The following ADGRB3 variants were observed in gnomAD, a reference collection of about 807,000 sequenced individuals.
The protein encoded by ADGRB3 is brain-specific angiogenesis inhibitor 3.
Under a neutral mutation model 193.4 loss-of-function variants are expected in ADGRB3, and 37 were observed. The ratio of observed to expected loss-of-function variants is 0.19; its 90% CI spans 0.15 to 0.25. The LOEUF (loss-of-function observed/expected upper bound fraction) is 0.25. Ranked by LOEUF, ADGRB3 falls within the 10% of genes least tolerant of loss-of-function variation. The probability of loss-of-function intolerance (pLI) is 1.00; values close to 1 mark genes in which losing one functional copy is unlikely to be tolerated. For missense variants in ADGRB3, 1,637 were observed against 1,852.9 expected (o/e 0.88, Z 2.14); for synonymous variants, 690 against 644.2 (o/e 1.07, Z -1.08).
chr6:68,953,946 C>A (rs1181705464), intron 6 of ADGRB3, among the ~76,000 whole-genome samples: 1 of 152,176 alleles, frequency 6.6e-6, no homozygotes, highest in Non-Finnish European at 1.5e-5. Context: ...ATGAACTGAT[C>A]TTGGAAAAAA....
intron 18 of ADGRB3, 55 bp from the exon 19 acceptor site, chr6:69,234,977 T>A: frequency 7.2e-7 from 1 of 1,379,886 alleles, no homozygotes; most frequent in Non-Finnish European, 1.0e-6. Flanking sequence ...GTCTAGAAGT[T>A]ATTTTAATTT....
intron 3 of ADGRB3, among the ~76,000 whole-genome samples, chr6:68,895,982 T>C (rs530580745): frequency 2.0e-5 from 3 of 152,058 alleles, no homozygotes; most frequent in Non-Finnish European, 4.4e-5. Flanking sequence ...TATTTCTTTG[T>C]GTGGGTTACA....
chr6:68,949,019 A>G (rs546615350), intron 6 of ADGRB3, among the ~76,000 whole-genome samples: 1 of 152,098 alleles, frequency 6.6e-6, no homozygotes, highest in African/African-American at 2.4e-5. Flanking sequence ...ACCCCTCTAT[A>G]TTACAGGATT....
chr6:69,108,675 AT>A (rs1052036622), intron 17 of ADGRB3, among the ~76,000 whole-genome samples: 2 of 152,068 alleles, frequency 1.3e-5, no homozygotes, highest in African/African-American at 2.4e-5. Context: ...TCAAGAAGAC[AT>A]TTTTTTAGTA....
chr6:69,205,002 TAA>T (rs1347025001), intron 17 of ADGRB3, among the ~76,000 whole-genome samples: 1 of 152,174 alleles, frequency 6.6e-6, no homozygotes, highest in Non-Finnish European at 1.5e-5. Context: ...CATTTTATAT[TAA>T]GTTAAAATTT....
At chr6:68,726,268 A>C (rs1274306821) in intron 3 of ADGRB3, among the ~76,000 whole-genome samples, 1 of 151,674 alleles carries the variant, frequency 6.6e-6, no homozygotes, top group Admixed American at 6.6e-5. Flanking sequence ...ATAAAAAGCA[A>C]CTTTAGAGAT....
At chr6:68,950,755 C>A (rs185177696) in intron 6 of ADGRB3, among the ~76,000 whole-genome samples, 208 of 152,238 alleles carry the variant, frequency 1.4e-3, no homozygotes, top group African/African-American at 4.9e-3. Flanking sequence ...TTTTCTATGC[C>A]CACTGATGCC....
chr6:69,203,030 C>A (rs1765462686), intron 17 of ADGRB3, among the ~76,000 whole-genome samples: 1 of 151,820 alleles, frequency 6.6e-6, no homozygotes, highest in African/African-American at 2.4e-5. Context: ...AAAACCATGG[C>A]AGATAGTAGT....
intron 17 of ADGRB3, among the ~76,000 whole-genome samples, chr6:69,179,159 GA>G: frequency 2.0e-5 from 3 of 152,046 alleles, no homozygotes; most frequent in Admixed American, 2.0e-4. Flanking sequence ...TTTTTTAAAT[GA>G]ATTCCTCAAA....
At chr6:68,708,014 C>T (rs1163576013) in intron 3 of ADGRB3, among the ~76,000 whole-genome samples, 1 of 152,066 alleles carries the variant, frequency 6.6e-6, no homozygotes, top group Non-Finnish European at 1.5e-5. Context: ...GCAAGCTTGA[C>T]GATTAACCAA....
intron 17 of ADGRB3, among the ~76,000 whole-genome samples, chr6:69,225,204 A>G (rs1307489629): frequency 3.3e-5 from 5 of 152,144 alleles, no homozygotes; most frequent in African/African-American, 1.2e-4. Flanking sequence ...ACTTCTAGCA[A>G]TCTAATTTAT....
chr6:68,732,081 C>G (rs1765786153), intron 3 of ADGRB3, among the ~76,000 whole-genome samples: 1 of 151,694 alleles, frequency 6.6e-6, no homozygotes. Flanking sequence ...AATGAAATAA[C>G]TCCTTATTAA....
At chr6:69,327,097 A>T (rs1258189484) in intron 21 of ADGRB3, among the ~76,000 whole-genome samples, 2 of 152,056 alleles carry the variant, frequency 1.3e-5, no homozygotes, top group Non-Finnish European at 1.5e-5. Flanking sequence ...GGATTTTTCA[A>T]CCGGAAAAGG....
At chr6:68,882,407 A>C (rs1562069706) in intron 3 of ADGRB3, among the ~76,000 whole-genome samples, 1 of 152,230 alleles carries the variant, frequency 6.6e-6, no homozygotes, top group Non-Finnish European at 1.5e-5. Flanking sequence ...TTTCCATGTG[A>C]ATATAGGACT....
At chr6:69,055,997 A>AT (rs552023366) in intron 15 of ADGRB3, among the ~76,000 whole-genome samples, 83 of 151,958 alleles carry the variant, frequency 5.5e-4, no homozygotes, top group Middle Eastern at 3.4e-3. Flanking sequence ...CGCCTGGCTA[A>AT]TTTTTGTATT....
chr6:69,084,163 G>C (rs1772480988), intron 17 of ADGRB3, among the ~76,000 whole-genome samples: 1 of 152,032 alleles, frequency 6.6e-6, no homozygotes, highest in East Asian at 1.9e-4. Flanking sequence ...TTTGTCTGCT[G>C]TCTGCTTTTC....
intron 17 of ADGRB3, among the ~76,000 whole-genome samples, chr6:69,106,184 GAAAAGAAAAGAA>G (rs1257647276): frequency 7.6e-5 from 7 of 92,232 alleles, no homozygotes; most frequent in Non-Finnish European, 1.1e-4. Flanking sequence ...AAAAAAAAAA[GAAAAGAAAAGAA>G]AAAAGAAAAG....
chr6:68,648,125 T>A (rs1402298178), intron 3 of ADGRB3, among the ~76,000 whole-genome samples: 1 of 152,184 alleles, frequency 6.6e-6, no homozygotes, highest in Non-Finnish European at 1.5e-5. Context: ...TACACGGCTG[T>A]AAAAGTTTAA....
At chr6:69,145,197 T>C (rs1220839646) in intron 17 of ADGRB3, among the ~76,000 whole-genome samples, 1 of 152,140 alleles carries the variant, frequency 6.6e-6, no homozygotes, top group Non-Finnish European at 1.5e-5. Flanking sequence ...GCCAAGCATG[T>C]GGAGCAGCAA....
Sources: allele counts gnomAD v4.1 joint callset (sites outside exome capture counted in the v4.1 genomes callset), GRCh38; gene constraint gnomAD v4.1.1; transcripts MANE v1.5; gene names NCBI Gene and HGNC (gene_info 2026-07-23, HGNC 2026-07-21).